TM4SF19: variants seen among roughly 807,000 people sequenced by gnomAD.
TM4SF19 encodes the protein transmembrane 4 L six family member 19, also known as transmembrane 4 L6 family member 19.
A neutral mutation model predicts 21.8 loss-of-function variants in TM4SF19; 17 were observed. The observed-to-expected ratio is 0.78, with a 90% CI of 0.53 to 1.17. The LOEUF (loss-of-function observed/expected upper bound fraction) is 1.17. TM4SF19 is among the 50% of genes most tolerant of loss of function. The probability of loss-of-function intolerance (pLI) is 0.00; values close to 1 mark genes in which losing one functional copy is unlikely to be tolerated. For missense variants in TM4SF19, 216 were observed against 252.1 expected, an observed-to-expected ratio of 0.86 and a Z score of 0.97; for synonymous variants, 107 against 106.7, an observed-to-expected ratio of 1.00 and a Z score of -0.02.
intron 1 of TM4SF19, among the ~76,000 whole-genome samples, chr3:196,337,013 A>T (rs1210447981): frequency 6.6e-6 from 1 of 151,062 alleles, no homozygotes; most frequent in Non-Finnish European, 1.5e-5. Context: ...TGAGGAGCTT[A>T]AAGTCTAGTG....
intron 1 of TM4SF19, among the ~76,000 whole-genome samples, chr3:196,332,544 AT>A (rs1447250521): frequency 6.6e-6 from 1 of 151,734 alleles, no homozygotes; most frequent in African/African-American, 2.4e-5. Flanking sequence ...CAGAGGCTCT[AT>A]ATATATGCAC....
chr3:196,330,038 A>G (rs1275712095), intron 1 of TM4SF19, among the ~76,000 whole-genome samples: 1 of 151,322 alleles, frequency 6.6e-6, no homozygotes, highest in Non-Finnish European at 1.5e-5. Context: ...CGCCTGGCTA[A>G]TTTTTGTATT....
intron 1 of TM4SF19, among the ~76,000 whole-genome samples, chr3:196,335,768 C>T (rs927610597): frequency 2.0e-5 from 3 of 152,052 alleles, no homozygotes; most frequent in Non-Finnish European, 4.4e-5. Flanking sequence ...GCGATGTCCC[C>T]GCATGTCTGC....
At chr3:196,335,739 A>C (rs953338985) in intron 1 of TM4SF19, among the ~76,000 whole-genome samples, 1 of 151,980 alleles carries the variant, frequency 6.6e-6, no homozygotes, top group Non-Finnish European at 1.5e-5. Context: ...CGGCCCCCTC[A>C]CAGCCTGCCC....
In TM4SF19 at chr3:196,327,010, A is replaced by T; in HGVS notation, c.224T>A (p.Ile75Asn). The T allele has an allele frequency of 6.2e-7, 1 of 1,611,052 alleles. No homozygotes were observed. The highest frequency in any genetic ancestry group is 8.5e-7 in the Non-Finnish European group (1 of 1,177,484). Reference sequence around the variant, plus strand: ...GCCGTATCTCCAGCCCATCAAGGAGATGAGGATAGCTGCAGTGAGTACCTG... The same window carrying T: ...GCCGTATCTCCAGCCCATCAAGGAGTTGAGGATAGCTGCAGTGAGTACCTG... ...GLMVLTAAIL[I>N]SLMGWRYGCF... is the part of the protein sequence containing the mutation. The change falls in exon 3 of 5, where the codon ATC (isoleucine) becomes AAC (asparagine). Residue 75 changes from isoleucine to asparagine, a missense_variant. Ile to Asn is a moderately radical substitution (Grantham distance 149). Transcript: ENST00000273695.
At chr3:196,327,898 G>A (rs1172335627) in intron 1 of TM4SF19, among the ~76,000 whole-genome samples, 3 of 152,184 alleles carry the variant, frequency 2.0e-5, no homozygotes, top group Non-Finnish European at 2.9e-5. Context: ...ATGTTTAAAG[G>A]TGTCTTCATG....
intron 3 of TM4SF19, among the ~76,000 whole-genome samples, chr3:196,326,591 A>C (rs1263312090): frequency 6.6e-6 from 1 of 152,148 alleles, no homozygotes; most frequent in African/African-American, 2.4e-5. Flanking sequence ...ATTAGTTAAA[A>C]TAACTAGGAA....
At chr3:196,330,800 C>T (rs1026105244) in intron 1 of TM4SF19, among the ~76,000 whole-genome samples, 2 of 152,022 alleles carry the variant, frequency 1.3e-5, no homozygotes, top group African/African-American at 4.8e-5. Context: ...TACATATTGA[C>T]AAAACTCATT....
intron 1 of TM4SF19, among the ~76,000 whole-genome samples, chr3:196,334,391 T>C (rs1392801528): frequency 6.6e-6 from 1 of 152,056 alleles, no homozygotes; most frequent in East Asian, 1.9e-4. Context: ...CTTTTTTTTT[T>C]TGAGATGGAG....
At chr3:196,329,582 G>T (rs1560203369) in intron 1 of TM4SF19, among the ~76,000 whole-genome samples, 1 of 121,824 alleles carries the variant, frequency 8.2e-6, no homozygotes, top group African/African-American at 2.7e-5. Context: ...CAGGAAAATC[G>T]CTTGAACCCA....
intron 1 of TM4SF19, among the ~76,000 whole-genome samples, chr3:196,329,928 G>A (rs1210845315): frequency 1.7e-5 from 2 of 120,338 alleles, no homozygotes. Context: ...CTGGAGTGCA[G>A]TGGCGCAATC....
At chr3:196,336,286 A>C (rs532668879) in intron 1 of TM4SF19, among the ~76,000 whole-genome samples, 3 of 151,922 alleles carry the variant, frequency 2.0e-5, no homozygotes, top group Non-Finnish European at 4.4e-5. Flanking sequence ...TTACAGGTGC[A>C]CACCACTACG....
At chr3:196,336,121 G>A (rs1394585906) in intron 1 of TM4SF19, among the ~76,000 whole-genome samples, 1 of 151,164 alleles carries the variant, frequency 6.6e-6, no homozygotes, top group East Asian at 1.9e-4. Context: ...TGTTTTTTTT[G>A]TTTTTGTTTT....
At chr3:196,330,565 A>G (rs1252320214) in intron 1 of TM4SF19, among the ~76,000 whole-genome samples, 1 of 152,196 alleles carries the variant, frequency 6.6e-6, no homozygotes, top group African/African-American at 2.4e-5. Flanking sequence ...TATAACATGG[A>G]TGAATCTCAA....
In TM4SF19 at chr3:196,337,822, T is replaced by C. The variant is rs926920915; in HGVS notation, c.-2+442A>G. 5.3e-5 allele frequency among the ~76,000 whole-genome samples: 8 copies of C among 152,062 alleles called. 1 individual carries two copies. Among genetic ancestry groups the C allele is most frequent in the Admixed American group, 2.6e-4 (4 of 15,260 alleles). On this transcript the variant is annotated intron_variant, in intron 1 of 4. Transcript: ENST00000273695. ...CCTTCACTCCTGCTCTCAAACTTGC[T>C]TCAGCCTCTCCCTCTGCCTTAAACC...
intron 1 of TM4SF19, among the ~76,000 whole-genome samples, chr3:196,335,102 A>G (rs1316161718): frequency 4.2e-4 from 9 of 21,600 alleles, no homozygotes; most frequent in Non-Finnish European, 6.1e-4. Flanking sequence ...TAGGAGAGGG[A>G]AGGGATGCCC....
At position 196,326,967 on chromosome 3, in the gene TM4SF19, C is replaced by A. The variant is rs1331027545; in HGVS notation, c.267G>T (p.Gly89=). ...GWRYGCFSKS[G]LCRSVLTALL... ...ATCTGGTGCTTACGCTTCGACAGAGCCCACTCTTACTGAAGCAGCCGTATC... is the reference window on the plus strand; with the variant it reads ...ATCTGGTGCTTACGCTTCGACAGAGACCACTCTTACTGAAGCAGCCGTATC... The change falls in exon 3 of 5, where the codon GGG becomes GGT. Residue 89 remains glycine, a synonymous_variant. Coordinates refer to ENST00000273695, the MANE Select transcript of TM4SF19 (RefSeq NM_138461.4). 2 of 1,610,900 alleles carry A rather than the reference C, an allele frequency of 1.2e-6. No individual in the cohort carries two copies. The highest frequency in any genetic ancestry group is 2.2e-5 in the East Asian group (1 of 44,756).
intron 3 of TM4SF19, among the ~76,000 whole-genome samples, chr3:196,326,749 C>T (rs1427411339): frequency 6.6e-6 from 1 of 152,128 alleles, no homozygotes; most frequent in African/African-American, 2.4e-5. Context: ...GCACTACTCC[C>T]TTGACTTGAT....
chr3:196,328,871 G>C (rs1727405551), intron 1 of TM4SF19, among the ~76,000 whole-genome samples: 1 of 152,186 alleles, frequency 6.6e-6, no homozygotes, highest in Non-Finnish European at 1.5e-5. Context: ...AGACACTGAA[G>C]CCACGCGTAA....
Sources: gnomAD v4.1 joint callset for allele counts (sites outside exome capture counted in the v4.1 genomes callset) on GRCh38, gnomAD v4.1.1 for gene constraint, MANE v1.5 for transcripts, NCBI Gene and HGNC (gene_info 2026-07-23, HGNC 2026-07-21) for gene names.